ELP3: variants seen among roughly 807,000 people sequenced by gnomAD.
ELP3 encodes the protein elongator acetyltransferase complex subunit 3.
ELP3 carries 56 observed loss-of-function variants against 74.9 expected under a neutral mutation model. The observed-to-expected ratio is 0.75, with a 90% CI of 0.60 to 0.93. The LOEUF (loss-of-function observed/expected upper bound fraction) is 0.93. Ranked by LOEUF, ELP3 falls within the 40% of genes least tolerant of loss-of-function variation. ELP3 has a pLI of 0.00. For synonymous variants in ELP3, 222 were observed against 239.8 expected (o/e 0.93, Z 0.68); for missense variants, 573 against 686.5 (o/e 0.83, Z 1.85).
At chr8:28,176,623 T>C (rs988778666) in intron 14 of ELP3, among the ~76,000 whole-genome samples, 5 of 152,114 alleles carry the variant, frequency 3.3e-5, no homozygotes, top group African/African-American at 1.2e-4. Flanking sequence ...GTTGCAATTA[T>C]TTTTTTTCCA....
intron 1 of ELP3, chr8:28,093,518 C>T: frequency 2.0e-6 from 1 of 506,806 alleles, no homozygotes; most frequent in Non-Finnish European, 3.5e-6. Flanking sequence ...GAGGAGTTAA[C>T]GTCGATTTAA....
At chr8:28,157,786 G>C (rs1184387245) in intron 11 of ELP3, among the ~76,000 whole-genome samples, 1 of 152,082 alleles carries the variant, frequency 6.6e-6, no homozygotes, top group African/African-American at 2.4e-5. Context: ...GTAAATGTCT[G>C]GTAGCATAGC....
chr8:28,112,034 T>G (rs1811936981), intron 6 of ELP3, among the ~76,000 whole-genome samples: 2 of 152,218 alleles, frequency 1.3e-5, no homozygotes, highest in Admixed American at 6.5e-5. Flanking sequence ...CAGAAATTAG[T>G]GTTAATTTCA....
At chr8:28,123,569 T>G (rs1161219516) in intron 7 of ELP3, among the ~76,000 whole-genome samples, 1 of 152,212 alleles carries the variant, frequency 6.6e-6, no homozygotes, top group East Asian at 1.9e-4. Context: ...AAATTTTGTT[T>G]TTTATTCTTT....
At chr8:28,104,689 T>C (rs1351173524) in intron 3 of ELP3, among the ~76,000 whole-genome samples, 1 of 152,218 alleles carries the variant, frequency 6.6e-6, no homozygotes, top group Non-Finnish European at 1.5e-5. Flanking sequence ...CCGTGCCTCA[T>C]AGAAGCAGCA....
chr8:28,114,768 AG>A (rs1187273865), intron 7 of ELP3, among the ~76,000 whole-genome samples: 4 of 152,226 alleles, frequency 2.6e-5, no homozygotes, highest in Admixed American at 6.5e-5. Context: ...GTGTTAGGTA[AG>A]GGCCAAGATA....
At position 28,119,818 on chromosome 8, in the gene ELP3, G is replaced by C. The variant is rs116732434; in HGVS notation, c.617+6645G>C. 7.5e-3 allele frequency among the ~76,000 whole-genome samples: 1,141 copies of C among 151,570 alleles called. 21 individuals carry two copies. Among genetic ancestry groups the C allele is most frequent in the African/African-American group, 0.026 (1,064 of 41,310 alleles). On this transcript the variant is annotated intron_variant, in intron 7 of 14. Transcript: ENST00000256398. ...TGATTTTTTTCCCCATCACAAATTA[G>C]TTTTGTCTCTTCTAGAACTTCATAT...
chr8:28,100,098 A>G, intron 3 of ELP3, 132 bp downstream of exon 3: 3 of 1,167,444 alleles, frequency 2.6e-6, no homozygotes, highest in Non-Finnish European at 3.7e-6. Context: ...GTATTAGGAT[A>G]TGTGCTGGAG....
At chr8:28,103,844 C>G (rs1485383095) in intron 3 of ELP3, among the ~76,000 whole-genome samples, 1 of 152,216 alleles carries the variant, frequency 6.6e-6, no homozygotes, top group Non-Finnish European at 1.5e-5. Context: ...ATCCTCCCAC[C>G]TCAGCCTCCC....
rs922208649 is a variant in ELP3 at position 28,147,569 on chromosome 8, G to A, written c.1101-8373G>A. Among the ~76,000 whole-genome samples, 1 of 152,088 alleles carries A rather than the reference G, an allele frequency of 6.6e-6. No homozygotes were observed. The highest frequency in any genetic ancestry group is 2.4e-5 in the African/African-American group (1 of 41,390). ...TTGGAATTATCAGTATGAACTTACG[G>A]GTTTAAAAATTTATATATAGAAATA... On this transcript the variant is annotated intron_variant, in intron 10 of 14. Coordinates refer to ENST00000256398, the MANE Select transcript of ELP3 (RefSeq NM_018091.6). This position sits in a 1 kb window ranked among gnomAD's most constrained non-coding sequence, Gnocchi z 4.5.
rs770082832 is a variant in ELP3, at chr8:28,132,330, G to T, written c.832G>T (p.Gly278Cys). ...CESFHLAKDS[G>C]FKVVAHMMPD... ...GTCATTTCACCTGGCCAAAGATTCC[G>T]GTTTTAAAGTGGTGGCCCATATGAT... The change falls in exon 9 of 15, where the codon GGT becomes TGT. Residue 278 changes from glycine to cysteine, a missense_variant. Gly to Cys is a radical substitution (Grantham distance 159, BLOSUM62 -3). Coordinates refer to ENST00000256398, the MANE Select transcript of ELP3 (RefSeq NM_018091.6). 2 of 1,614,004 alleles carry T rather than the reference G, an allele frequency of 1.2e-6. No individual in the cohort carries two copies. The highest frequency in any genetic ancestry group is 1.7e-6 in the Non-Finnish European group (2 of 1,180,000).
At chr8:28,145,545 G>A (rs1381712640) in intron 10 of ELP3, among the ~76,000 whole-genome samples, 2 of 152,184 alleles carry the variant, frequency 1.3e-5, no homozygotes, top group African/African-American at 4.8e-5. Context: ...TTCACCTAGT[G>A]GCAGCTTCCA....
At chr8:28,103,649 G>A (rs143341888) in intron 3 of ELP3, among the ~76,000 whole-genome samples, 10 of 152,230 alleles carry the variant, frequency 6.6e-5, no homozygotes, top group East Asian at 5.8e-4. Context: ...GCACCATTTT[G>A]CATTCCCACC....
intron 8 of ELP3, among the ~76,000 whole-genome samples, chr8:28,132,016 G>C (rs1160853743): frequency 6.6e-6 from 1 of 152,126 alleles, no homozygotes; most frequent in Non-Finnish European, 1.5e-5. Context: ...ACTTTAAGTA[G>C]ATGTGTAAGA....
intron 9 of ELP3, 111 bp from the exon 10 acceptor site, chr8:28,137,587 C>A: frequency 9.8e-7 from 1 of 1,021,828 alleles, no homozygotes; most frequent in Non-Finnish European, 1.5e-6. Flanking sequence ...GAAGCAAAGG[C>A]TGCCCCAGGG....
chr8:28,159,146 A>G (rs1367395581), intron 12 of ELP3, among the ~76,000 whole-genome samples: 1 of 152,200 alleles, frequency 6.6e-6, no homozygotes, highest in Non-Finnish European at 1.5e-5. Context: ...CACAAAAATT[A>G]AGCATAATGC....
intron 2 of ELP3, among the ~76,000 whole-genome samples, chr8:28,099,284 T>A (rs558257624): frequency 7.4e-4 from 111 of 150,984 alleles, no homozygotes; most frequent in Non-Finnish European, 6.8e-4. Flanking sequence ...TTTTTTTTAA[T>A]TGTTGTTGTT....
At chr8:28,154,915 A>G (rs1432685925) in intron 10 of ELP3, among the ~76,000 whole-genome samples, 2 of 152,188 alleles carry the variant, frequency 1.3e-5, no homozygotes, top group African/African-American at 4.8e-5. Flanking sequence ...TAGAGTTTGT[A>G]TGGCAACTCT....
intron 7 of ELP3, among the ~76,000 whole-genome samples, chr8:28,115,374 C>T (rs188142949): frequency 2.6e-4 from 40 of 152,224 alleles, no homozygotes; most frequent in African/African-American, 9.2e-4. Context: ...TCTTATAGTA[C>T]GATCCCATTA....
Sources: allele counts gnomAD v4.1 joint callset (sites outside exome capture counted in the v4.1 genomes callset), GRCh38; gene constraint gnomAD v4.1.1; non-coding constraint Gnocchi (gnomAD v3.1); transcripts MANE v1.5; gene names NCBI Gene and HGNC (gene_info 2026-07-23, HGNC 2026-07-21).